VWA8: variants seen among roughly 807,000 people sequenced by gnomAD.
VWA8 encodes von Willebrand factor A domain-containing protein 8.
A neutral mutation model predicts 241.5 loss-of-function variants in VWA8; 221 were observed. The ratio of observed to expected loss-of-function variants is 0.91; its 90% CI spans 0.82 to 1.02. The LOEUF (loss-of-function observed/expected upper bound fraction) is 1.02, where lower values mean the gene tolerates loss of function less well. Ranked by LOEUF, VWA8 falls within the 50% of genes least tolerant of loss-of-function variation. VWA8 has a pLI of 0.00. For synonymous variants in VWA8, 852 were observed against 827.1 expected, an observed-to-expected ratio of 1.03 and a Z score of -0.52; for missense variants, 2,322 against 2,328.7, an observed-to-expected ratio of 1.00 and a Z score of 0.06.
At chr13:41,883,596 A>G (rs1874370822) in intron 8 of VWA8, 105 bp from the exon 9 acceptor site, 2 of 761,916 alleles carry the variant, frequency 2.6e-6, no homozygotes, top group Admixed American at 2.3e-5. Context: ...AAAGTAACCA[A>G]TAGGTGTCTG....
intron 10 of VWA8, among the ~76,000 whole-genome samples, chr13:41,867,589 A>T (rs1483646314): frequency 6.6e-6 from 1 of 152,260 alleles, no homozygotes; most frequent in East Asian, 1.9e-4. Context: ...ATGCAGAGAC[A>T]AATACAGTAA....
chr13:41,725,370 T>G (rs2045424306), intron 24 of VWA8, among the ~76,000 whole-genome samples: 1 of 151,968 alleles, frequency 6.6e-6, no homozygotes, highest in African/African-American at 2.4e-5. Flanking sequence ...GAGATAAAAA[T>G]CCCAAGGACA....
At chr13:41,696,487 T>C (rs1276059441) in intron 29 of VWA8, among the ~76,000 whole-genome samples, 2 of 152,224 alleles carry the variant, frequency 1.3e-5, no homozygotes, top group African/African-American at 2.4e-5. Flanking sequence ...AAACTAATCT[T>C]TTTCCCCAAA....
chr13:41,955,918 C>T (rs1242310240), intron 1 of VWA8: 1 of 152,172 alleles, frequency 6.6e-6, no homozygotes, highest in Non-Finnish European at 1.5e-5. Context: ...AAGCTGTTTC[C>T]GTACCTGACT....
At chr13:41,753,372 T>C (rs2045670279) in intron 21 of VWA8, among the ~76,000 whole-genome samples, 1 of 152,144 alleles carries the variant, frequency 6.6e-6, no homozygotes, top group Admixed American at 6.5e-5. Context: ...AAAATTTTAA[T>C]TTTAGACATG....
chr13:41,831,962 C>T (rs1331908283), intron 13 of VWA8, among the ~76,000 whole-genome samples: 1 of 148,492 alleles, frequency 6.7e-6, no homozygotes, highest in African/African-American at 2.5e-5. Flanking sequence ...GACAGAGTCT[C>T]GCTCTGTCAC....
At chr13:41,740,046 G>A (rs1272524408) in intron 21 of VWA8, among the ~76,000 whole-genome samples, 2 of 151,582 alleles carry the variant, frequency 1.3e-5, no homozygotes, top group African/African-American at 4.8e-5. Flanking sequence ...TAGTAGAGAC[G>A]GGGTTTCACT....
At chr13:41,649,980 A>G (rs1385112602) in intron 37 of VWA8, among the ~76,000 whole-genome samples, 1 of 152,268 alleles carries the variant, frequency 6.6e-6, no homozygotes, top group Middle Eastern at 3.4e-3. Flanking sequence ...ATTTACGTTA[A>G]GTTATGAACC....
At chr13:41,642,284 G>T (rs546996424) in intron 37 of VWA8, among the ~76,000 whole-genome samples, 1 of 152,304 alleles carries the variant, frequency 6.6e-6, no homozygotes, top group South Asian at 2.1e-4. Context: ...TGCAGGCCAG[G>T]TGCGGTGGCT....
At position 41,865,746 on chromosome 13, in the gene VWA8, A is replaced by AT; in HGVS notation, c.1414dup (p.Met472AsnfsTer10). ...AAATGAACACTGTACCTGATAGAGC[A>AT]TAATAGGTTCTATGTTGTATCCTAA... On this transcript the variant is annotated frameshift_variant, in exon 12 of 45. Coordinates refer to ENST00000379310, the MANE Select transcript of VWA8 (RefSeq NM_015058.2). LOFTEE classifies it high-confidence loss of function. 2 of 1,613,914 alleles carry AT rather than the reference A, an allele frequency of 1.2e-6. No homozygotes were observed. Among genetic ancestry groups the AT allele is most frequent in the Non-Finnish European group, 1.7e-6 (2 of 1,180,034 alleles).
intron 2 of VWA8, among the ~76,000 whole-genome samples, chr13:41,946,690 C>T (rs996291440): frequency 2.7e-5 from 4 of 150,652 alleles, no homozygotes; most frequent in African/African-American, 9.8e-5. Flanking sequence ...AAAAGTGGGC[C>T]AGAGTGGAAA....
Position 41,673,676 on chromosome 13 carries a change from T to C in VWA8, c.4409+1539A>G, listed in dbSNP as rs12868730. ...TTTTGATACATTGGGTTAAATAAAATATATTAAAATTAATTTCACCTTAAA... is the reference window on the plus strand; with the variant it reads ...TTTTGATACATTGGGTTAAATAAAACATATTAAAATTAATTTCACCTTAAA... On this transcript the variant is annotated intron_variant, in intron 36 of 44. Coordinates refer to ENST00000379310, the MANE Select transcript of VWA8 (RefSeq NM_015058.2). Among the ~76,000 whole-genome samples, 12 of 152,216 alleles carry C rather than the reference T, an allele frequency of 7.9e-5. 1 individual carries two copies. Among genetic ancestry groups the C allele is most frequent in the African/African-American group, 2.9e-4 (12 of 41,462 alleles).
intron 21 of VWA8, among the ~76,000 whole-genome samples, chr13:41,747,029 C>T (rs1261190236): frequency 2.0e-5 from 3 of 152,158 alleles, no homozygotes; most frequent in Non-Finnish European, 4.4e-5. Flanking sequence ...AGTCAGGTAG[C>T]ATGATGCCTC....
intron 1 of VWA8, among the ~76,000 whole-genome samples, chr13:41,956,349 C>T (rs9562365): frequency 0.064 from 9,736 of 152,218 alleles, 396 homozygotes; most frequent in East Asian, 0.12. Flanking sequence ...TTTATATATA[C>T]TAAACTTAGA....
At chr13:41,677,713 T>C (rs1465182400) in intron 35 of VWA8, among the ~76,000 whole-genome samples, 1 of 152,148 alleles carries the variant, frequency 6.6e-6, no homozygotes, top group African/African-American at 2.4e-5. Context: ...CTTTTTAAGA[T>C]TTTTGTCTGT....
intron 1 of VWA8, among the ~76,000 whole-genome samples, chr13:41,952,491 T>G (rs781373419): frequency 6.6e-6 from 1 of 152,226 alleles, no homozygotes; most frequent in Non-Finnish European, 1.5e-5. Flanking sequence ...GTTTCAAGAA[T>G]TATAGTTACA....
chr13:41,638,715 G>A (rs997861396), intron 37 of VWA8, among the ~76,000 whole-genome samples: 1 of 152,158 alleles, frequency 6.6e-6, no homozygotes. Context: ...ATGGAGGTCC[G>A]AAAGTAGTCA....
chr13:41,791,063 T>C (rs1335896279), intron 17 of VWA8, among the ~76,000 whole-genome samples: 2 of 151,974 alleles, frequency 1.3e-5, no homozygotes, highest in African/African-American at 4.8e-5. Flanking sequence ...ATGTTTGTTT[T>C]AAAATTTTCC....
chr13:41,709,175 G>A (rs984484329), intron 26 of VWA8, among the ~76,000 whole-genome samples: 4 of 152,154 alleles, frequency 2.6e-5, no homozygotes, highest in African/African-American at 9.7e-5. Context: ...ATATAACATT[G>A]CATAATAAGG....
Sources: allele counts gnomAD v4.1 joint callset (sites outside exome capture counted in the v4.1 genomes callset), GRCh38; gene constraint gnomAD v4.1.1; transcripts MANE v1.5; gene names NCBI Gene and HGNC (gene_info 2026-07-23, HGNC 2026-07-21).